MAN1A2: variants seen among roughly 807,000 people sequenced by gnomAD.
MAN1A2 encodes the protein mannosidase alpha class 1A member 2, also known as mannosyl-oligosaccharide 1,2-alpha-mannosidase IB.
Under a neutral mutation model 75.7 loss-of-function variants are expected in MAN1A2, and 26 were observed. The observed-to-expected ratio is 0.34, with a 90% CI of 0.25 to 0.48. The LOEUF (loss-of-function observed/expected upper bound fraction) is 0.48. Among genes scored for constraint, MAN1A2 ranks in the 20% least tolerant of loss-of-function variants. The pLI is 0.99. For missense variants in MAN1A2, 562 were observed against 775.5 expected, an observed-to-expected ratio of 0.72 and a Z score of 3.27; for synonymous variants, 247 against 264.6, an observed-to-expected ratio of 0.93 and a Z score of 0.65.
chr1:117,406,267 C>G (rs1647611234), intron 3 of MAN1A2, among the ~76,000 whole-genome samples: 2 of 152,112 alleles, frequency 1.3e-5, no homozygotes, highest in South Asian at 2.1e-4. Flanking sequence ...AAAGGTAAGT[C>G]TTCAGAATTG....
chr1:117,426,673 G>A (rs943004653), intron 5 of MAN1A2, among the ~76,000 whole-genome samples: 22 of 152,100 alleles, frequency 1.4e-4, no homozygotes, highest in Non-Finnish European at 2.5e-4. Context: ...ACGAATAACA[G>A]AATGGCCATA....
intron 8 of MAN1A2, among the ~76,000 whole-genome samples, chr1:117,474,616 T>C (rs2101851580): frequency 6.6e-6 from 1 of 151,682 alleles, no homozygotes; most frequent in East Asian, 1.9e-4. Context: ...AACAACTAAA[T>C]TGGTGGAGGT....
intron 1 of MAN1A2, among the ~76,000 whole-genome samples, chr1:117,392,447 T>C (rs1453356687): frequency 6.6e-6 from 1 of 152,226 alleles, no homozygotes. Flanking sequence ...TATTCTTTTC[T>C]ATGTATATCT....
intron 6 of MAN1A2, among the ~76,000 whole-genome samples, chr1:117,452,610 C>G (rs1050396561): frequency 1.3e-5 from 2 of 152,212 alleles, no homozygotes; most frequent in African/African-American, 4.8e-5. Flanking sequence ...GGCCCTAACT[C>G]TCTTCACGTC....
At chr1:117,479,879 G>A (rs1353159661) in intron 8 of MAN1A2, among the ~76,000 whole-genome samples, 3 of 151,848 alleles carry the variant, frequency 2.0e-5, no homozygotes, top group African/African-American at 7.3e-5. Context: ...TAGGGTTACA[G>A]TTAAGTTACT....
intron 2 of MAN1A2, among the ~76,000 whole-genome samples, chr1:117,404,034 GA>G (rs1433343971): frequency 1.3e-5 from 2 of 152,058 alleles, no homozygotes; most frequent in Admixed American, 6.6e-5. Context: ...ATGACTGTAT[GA>G]TTTTTTTTCC....
At chr1:117,400,118 A>G (rs1198009532) in intron 1 of MAN1A2, among the ~76,000 whole-genome samples, 1 of 152,020 alleles carries the variant, frequency 6.6e-6, no homozygotes, top group African/African-American at 2.4e-5. Flanking sequence ...ATCAGCCCTC[A>G]TGTCAGTTTC....
chr1:117,407,111 G>GA (rs140717342), intron 3 of MAN1A2, among the ~76,000 whole-genome samples: 14,503 of 152,018 alleles, frequency 0.095, 901 homozygotes, highest in Non-Finnish European at 0.14. Flanking sequence ...TGAAATGGTA[G>GA]AAAAAGAAAA....
intron 1 of MAN1A2, among the ~76,000 whole-genome samples, chr1:117,384,645 G>A (rs551297944): frequency 5.3e-4 from 80 of 152,204 alleles, no homozygotes; most frequent in African/African-American, 1.8e-3. Flanking sequence ...AGATGTTCTA[G>A]CCATTATTGA....
chr1:117,379,139 A>G (rs1653249925), intron 1 of MAN1A2, among the ~76,000 whole-genome samples: 1 of 151,982 alleles, frequency 6.6e-6, no homozygotes, highest in South Asian at 2.1e-4. Context: ...CTAGGGATTT[A>G]ATCTACTTGT....
At chr1:117,440,696 A>T (rs1044436413) in intron 5 of MAN1A2, among the ~76,000 whole-genome samples, 3 of 152,056 alleles carry the variant, frequency 2.0e-5, no homozygotes, top group Non-Finnish European at 4.4e-5. Flanking sequence ...TTTATTCTGG[A>T]AGTGAATTGA....
At chr1:117,471,578 T>TTAG (rs1650154990) in intron 8 of MAN1A2, among the ~76,000 whole-genome samples, 2 of 151,954 alleles carry the variant, frequency 1.3e-5, no homozygotes. Flanking sequence ...TTCAAGTTCC[T>TTAG]TAGTGGTATC....
intron 1 of MAN1A2, among the ~76,000 whole-genome samples, chr1:117,380,754 G>A (rs1435606244): frequency 6.6e-6 from 1 of 152,164 alleles, no homozygotes; most frequent in African/African-American, 2.4e-5. Context: ...AGTATACACT[G>A]TGTTGCTTAA....
intron 12 of MAN1A2, among the ~76,000 whole-genome samples, chr1:117,507,658 A>G (rs1651412652): frequency 6.6e-6 from 1 of 151,706 alleles, no homozygotes; most frequent in East Asian, 1.9e-4. Context: ...ATTATTACTA[A>G]TAAATACAAG....
chr1:117,401,948 C>T (rs1476419282), intron 1 of MAN1A2, among the ~76,000 whole-genome samples: 2 of 152,016 alleles, frequency 1.3e-5, no homozygotes, highest in East Asian at 3.9e-4. Flanking sequence ...GTTATCTTTG[C>T]TCTTAGTCTG....
intron 4 of MAN1A2, among the ~76,000 whole-genome samples, chr1:117,416,529 C>G (rs892766687): frequency 3.3e-5 from 5 of 152,108 alleles, no homozygotes; most frequent in Non-Finnish European, 7.4e-5. Context: ...TAATAATTCC[C>G]TTGTATATCA....
chr1:117,430,333 C>T (rs1340230931), intron 5 of MAN1A2, among the ~76,000 whole-genome samples: 11 of 124,476 alleles, frequency 8.8e-5, no homozygotes, highest in African/African-American at 1.9e-4. Context: ...CCCTCCCGGA[C>T]GGGGTGGCTG....
rs1312513449 is a variant in MAN1A2, at chr1:117,427,333, A to G, written c.855+6684A>G. Reference sequence around the variant, plus strand: ...TCTCATCAGAAATGAAATAACATGGAAATTCTAGAATGAAAACTTCAGTGT... The same window carrying G: ...TCTCATCAGAAATGAAATAACATGGGAATTCTAGAATGAAAACTTCAGTGT... On this transcript the variant is annotated intron_variant, in intron 5 of 12. Coordinates refer to ENST00000356554, the MANE Select transcript of MAN1A2 (RefSeq NM_006699.5). Among the ~76,000 whole-genome samples, 4 of 152,214 alleles carry G rather than the reference A, an allele frequency of 2.6e-5. No homozygotes were observed. The East Asian group carries it at 7.7e-4, about 29-fold the overall frequency.
At chr1:117,382,543 C>G (rs1056802837) in intron 1 of MAN1A2, among the ~76,000 whole-genome samples, 19 of 152,120 alleles carry the variant, frequency 1.2e-4, no homozygotes, top group African/African-American at 4.6e-4. Flanking sequence ...TGATCTATAT[C>G]TCTGTTTTGG....
Sources: gnomAD v4.1 joint callset for allele counts (sites outside exome capture counted in the v4.1 genomes callset) on GRCh38, gnomAD v4.1.1 for gene constraint, MANE v1.5 for transcripts, NCBI Gene and HGNC (gene_info 2026-07-23, HGNC 2026-07-21) for gene names.